The following RPL7A variants were observed in gnomAD, a reference collection of about 807,000 sequenced individuals.
The protein encoded by RPL7A is ribosomal protein L7a.
For missense variants in RPL7A, 291 were observed against 338.2 expected, an observed-to-expected ratio of 0.86 and a Z score of 1.09; for synonymous variants, 158 against 128.2, an observed-to-expected ratio of 1.23 and a Z score of -1.57.
rs2129992913 is a variant in RPL7A, at chr9:133,350,330, C to T, written c.495+11C>T. 29 of 1,613,630 alleles carry T rather than the reference C, an allele frequency of 1.8e-5. No homozygotes were observed. The highest frequency in any genetic ancestry group is 2.5e-5 in the Non-Finnish European group (29 of 1,179,810). On this transcript the variant is annotated intron_variant, in intron 5 of 7. Transcript: ENST00000323345. ...GTGGATCCCATCGAGGTGCGTTTGC[C>T]TGTTGACTGCTAACCCAAGGGCTTC...
Position 133,349,028 on chromosome 9 carries a change from A to T in RPL7A, c.110A>T (p.Lys37Met). The T allele has an allele frequency of 6.2e-7, 1 of 1,613,962 alleles. No homozygotes were observed. The highest frequency in any genetic ancestry group is 8.5e-7 in the Non-Finnish European group (1 of 1,179,948). ...AATCCCCTGTTTGAGAAAAGGCCTA[A>T]GAATTTTGGCATTGGTAAGTAACAA... ...VVNPLFEKRP[K>M]NFGIGQDIQP... The change falls in exon 2 of 8, where the codon AAG becomes ATG. Residue 37 changes from lysine (K) to methionine (M), a missense_variant. By Grantham distance (95) the Lys-to-Met change is moderately conservative. Transcript: ENST00000323345.
chr9:133,349,146 C>G, intron 2 of RPL7A, 104 bp downstream of exon 2: 3 of 1,360,022 alleles, frequency 2.2e-6, no homozygotes, highest in Non-Finnish European at 3.1e-6. Flanking sequence ...GTAAAGTGGT[C>G]GCAGTCCTTA....
At position 133,349,720 on chromosome 9, in the gene RPL7A, A is replaced by T; in HGVS notation, c.274+20A>T. On this transcript the variant is annotated intron_variant, in intron 3 of 7. Coordinates refer to ENST00000323345, the MANE Select transcript of RPL7A (RefSeq NM_000972.3). The stretch of plus-strand genomic sequence containing the variant: ...AAACAGGTGAGGTTCTGTGGCGTGG[A>T]AAGGAGTTTCTCAGGCAAGGATTCC... 1 of 1,612,178 alleles carries T rather than the reference A, an allele frequency of 6.2e-7. No homozygotes were observed. The highest frequency in any genetic ancestry group is 2.2e-5 in the East Asian group (1 of 44,848).
rs2129992803 is a variant in RPL7A at position 133,350,314 on chromosome 9, A to G, written c.490A>G (p.Ile164Val). 38 of 1,614,076 alleles carry G rather than the reference A, an allele frequency of 2.4e-5. No homozygotes were observed. The highest frequency in any genetic ancestry group is 3.3e-5 in the Admixed American group (2 of 60,008). Residue 164 changes from isoleucine to valine, a missense_variant, in exon 5 of 8, where the codon ATC becomes GTC. Ile to Val is a conservative substitution (Grantham distance 29). Transcript: ENST00000323345. ...LVVIAHDVDP[I>V]ELVVFLPALC... ...GGTGATTGCACACGACGTGGATCCC[A>G]TCGAGGTGCGTTTGCCTGTTGACTG... is the stretch of plus-strand genomic sequence containing the variant.
At chr9:133,351,140 AC>A in intron 7 of RPL7A, 69 bp downstream of exon 7, 1 of 1,569,342 alleles carries the variant, frequency 6.4e-7, no homozygotes, top group South Asian at 1.1e-5. Context: ...GGCTGGCTTA[AC>A]CTATGAGAAG....
At position 133,348,989 on chromosome 9, in the gene RPL7A, C is replaced by T. The variant is rs149247952; in HGVS notation, c.71C>T (p.Ala24Val). 5 of 1,613,974 alleles carry T rather than the reference C, an allele frequency of 3.1e-6. No individual in the cohort carries two copies. The highest frequency in any genetic ancestry group is 4.5e-5 in the East Asian group (2 of 44,882). Residue 24 changes from alanine (A) to valine (V), a missense_variant, in exon 2 of 8, where the codon GCT (alanine) becomes GTT (valine). By Grantham distance (64) the Ala-to-Val change is moderately conservative. Coordinates refer to ENST00000323345, the MANE Select transcript of RPL7A (RefSeq NM_000972.3). ...PAPAVVKKQE[A>V]KKVVNPLFEK... ...CCAGCTGTCGTGAAGAAGCAGGAGG[C>T]TAAGAAAGTGGTGAATCCCCTGTTT... is the stretch of plus-strand genomic sequence containing the variant.
intron 2 of RPL7A, 116 bp from the exon 3 acceptor site, chr9:133,349,435 G>A: frequency 2.5e-6 from 3 of 1,218,974 alleles, no homozygotes; most frequent in Non-Finnish European, 3.7e-6. Context: ...CTGAGAGATG[G>A]TGATGACATT....
intron 1 of RPL7A, chr9:133,348,705 C>G: frequency 1.3e-6 from 1 of 756,136 alleles, no homozygotes; most frequent in South Asian, 1.5e-5. Flanking sequence ...CTTAGCCTTG[C>G]TCTGGCCACT....
intron 5 of RPL7A, 52 bp downstream of exon 5, chr9:133,350,371 G>A (rs2129993176): frequency 9.4e-6 from 15 of 1,599,720 alleles, no homozygotes; most frequent in African/African-American, 2.7e-5. Flanking sequence ...GTACCAGGAA[G>A]AGAGAGTAGA....
chr9:133,350,483 T>A, intron 5 of RPL7A, 114 bp from the exon 6 acceptor site: 1 of 1,570,490 alleles, frequency 6.4e-7, no homozygotes, highest in Non-Finnish European at 8.8e-7. Context: ...TCTCACTGAA[T>A]TCAACCTTGA....
At chr9:133,350,913 AAG>A (rs2129996918) in intron 6 of RPL7A, 87 bp from the exon 7 acceptor site, 1 of 1,527,410 alleles carries the variant, frequency 6.5e-7, no homozygotes, top group South Asian at 1.1e-5. Flanking sequence ...TCTGAGGCAA[AAG>A]ACTGTCTTGA....
At position 133,351,026 on chromosome 9, in the gene RPL7A, G is replaced by A. The variant is rs1836384692; in HGVS notation, c.651G>A (p.Lys217=). 6.2e-7 allele frequency: 1 copy of A among 1,614,022 alleles called. No individual in the cohort carries two copies. Among genetic ancestry groups the A allele is most frequent in the Admixed American group, 1.7e-5 (1 of 60,004 alleles). The change falls in exon 7 of 8, where the codon AAG becomes AAA. Residue 217 remains lysine (K), a synonymous_variant. Coordinates refer to ENST00000323345, the MANE Select transcript of RPL7A (RefSeq NM_000972.3). ...GGGAAGACAAAGGCGCTTTGGCTAA[G>A]CTGGTGGAAGCTATCAGGACCAATT... ...VNSEDKGALA[K]LVEAIRTNYN...
chr9:133,350,447 GC>G lies in RPL7A; in HGVS notation c.495+129del, dbSNP rs2129993706. On this transcript the variant is annotated intron_variant, in intron 5 of 7. Transcript: ENST00000323345. The stretch of plus-strand genomic sequence containing the variant: ...CAGTACTGACACAGATCCAACACAT[GC>G]GTGGCTCTTGCAATGATGTGAATCT... 1.3e-5 allele frequency: 20 copies of G among 1,495,684 alleles called. No homozygotes were observed. In the East Asian group the frequency reaches 4.1e-4, roughly 30 times the overall value. 92.7% of individuals were successfully genotyped at this position (1,495,684 alleles called of 1,614,324 possible).
chr9:133,350,882 A>C, intron 6 of RPL7A, 120 bp from the exon 7 acceptor site: 1 of 1,464,394 alleles, frequency 6.8e-7, no homozygotes, highest in Non-Finnish European at 9.6e-7. Flanking sequence ...CACCTGAATA[A>C]ACCATGTGGT....
chr9:133,351,247 T>A lies in RPL7A; in HGVS notation c.697-15T>A. On this transcript the variant is annotated splice_polypyrimidine_tract_variant and intron_variant, in intron 7 of 7. Coordinates refer to ENST00000323345, the MANE Select transcript of RPL7A (RefSeq NM_000972.3). ...AACAGTAAGCCAAGCTAACTGCCTC[T>A]TTTTGTCTTTTCAGATCCGCCGTCA... 1 of 1,612,126 alleles carries A rather than the reference T, an allele frequency of 6.2e-7. No homozygotes were observed. Among genetic ancestry groups the A allele is most frequent in the Non-Finnish European group, 8.5e-7 (1 of 1,178,232 alleles).
chr9:133,349,151 T>C, intron 2 of RPL7A, 109 bp downstream of exon 2: 1 of 1,330,328 alleles, frequency 7.5e-7, no homozygotes, highest in Non-Finnish European at 1.0e-6. Flanking sequence ...GTGGTCGCAG[T>C]CCTTAATTTG....
At chr9:133,348,322 C>T (rs1836268402) in intron 1 of RPL7A, 76 bp downstream of exon 1, 4 of 1,592,500 alleles carry the variant, frequency 2.5e-6, no homozygotes, top group Non-Finnish European at 3.4e-6. Flanking sequence ...CAGGCGCGGC[C>T]TCGGAGGGCC....
rs2129980415 is a variant in RPL7A, at chr9:133,348,737, C to T, written c.4-185C>T. On this transcript the variant is annotated intron_variant, in intron 1 of 7. Coordinates refer to ENST00000323345, the MANE Select transcript of RPL7A (RefSeq NM_000972.3). ...CACTCGGGGTTCCCGGGGCTGCATG[C>T]TTGTGCGGCTGAATGTGAGATGCTC... The T allele has an allele frequency of 2.0e-3, 1,762 of 897,842 alleles. 6 individuals are homozygous for T. Among genetic ancestry groups the T allele is most frequent in the Non-Finnish European group, 3.0e-3 (1,639 of 551,344 alleles). 55.6% of individuals were successfully genotyped at this position (897,842 alleles called of 1,614,324 possible). A position where few individuals can be genotyped will look rare whatever the true frequency, so the allele number is the denominator to read the frequency against.
intron 2 of RPL7A, 146 bp downstream of exon 2, chr9:133,349,188 A>C: frequency 2.0e-6 from 2 of 1,009,264 alleles, no homozygotes. Context: ...GGGCAATGAT[A>C]CATGCTTCTT....
Sources: allele counts gnomAD v4.1 joint callset, GRCh38; gene constraint gnomAD v4.1.1; transcripts MANE v1.5; gene names NCBI Gene and HGNC (gene_info 2026-07-23, HGNC 2026-07-21).